The following RNFT2 variants were observed in gnomAD, a reference collection of about 807,000 sequenced individuals.
RNFT2 encodes ring finger protein, transmembrane 2, also known as E3 ubiquitin-protein ligase RNFT2.
A neutral mutation model predicts 53.0 loss-of-function variants in RNFT2; 36 were observed. The observed-to-expected ratio is 0.68, with a 90% CI of 0.52 to 0.90. RNFT2 has a LOEUF of 0.90. Ranked by LOEUF, RNFT2 falls within the 40% of genes least tolerant of loss-of-function variation. The pLI is 0.00. For synonymous variants in RNFT2, 260 were observed against 253.2 expected (o/e 1.03, Z -0.26); for missense variants, 514 against 585.6 (o/e 0.88, Z 1.26).
intron 7 of RNFT2, among the ~76,000 whole-genome samples, chr12:116,813,868 G>A (rs1195051778): frequency 1.3e-5 from 2 of 152,210 alleles, no homozygotes; most frequent in Non-Finnish European, 2.9e-5. Flanking sequence ...GACCTTGGAT[G>A]AGTCAGTAGC....
At chr12:116,743,080 CAAAAAAAAAAA>C (rs10558117) in intron 3 of RNFT2, among the ~76,000 whole-genome samples, 2 of 49,416 alleles carry the variant, frequency 4.0e-5, no homozygotes, top group Non-Finnish European at 6.9e-5. Context: ...GACCCTATCT[CAAAAAAAAAAA>C]AAAAAAAAAA....
Position 116,789,635 on chromosome 12 carries a change from G to GTGGATGGATGGATGGA in RNFT2, c.882+10305_882+10320dup, listed in dbSNP as rs148322297. Among the ~76,000 whole-genome samples the GTGGATGGATGGATGGA allele has an allele frequency of 9.5e-4, 126 of 132,076 alleles. 1 individual carries two copies. Among genetic ancestry groups the GTGGATGGATGGATGGA allele is most frequent in the African/African-American group, 3.1e-3 (92 of 30,062 alleles). The allele number at this position is 132,076 out of a possible 152,430, so 86.6% of individuals were successfully genotyped here. A position where few individuals can be genotyped will look rare whatever the true frequency, so the allele number is the denominator to read the frequency against. On this transcript the variant is annotated intron_variant, in intron 7 of 10. Coordinates refer to ENST00000257575, the MANE Select transcript of RNFT2 (RefSeq NM_001382266.1). ...TGGTAGATGGATGGATGGGAGGAGA[G>GTGGATGGATGGATGGA]TGGATGGATGGATGGATGGATGGAT...
chr12:116,786,973 T>C (rs1873962294), intron 7 of RNFT2, among the ~76,000 whole-genome samples: 1 of 152,150 alleles, frequency 6.6e-6, no homozygotes, highest in Admixed American at 6.5e-5. Context: ...CTCTCTCTTA[T>C]AAGGACACAT....
intron 6 of RNFT2, among the ~76,000 whole-genome samples, chr12:116,778,832 G>A (rs548820189): frequency 3.9e-5 from 6 of 152,218 alleles, no homozygotes; most frequent in African/African-American, 9.6e-5. Context: ...CCTGGGAGAC[G>A]GAGCAAGACT....
chr12:116,833,644 T>C (rs987789480), intron 7 of RNFT2, 148 bp from the exon 8 acceptor site: 22 of 757,602 alleles, frequency 2.9e-5, no homozygotes, highest in Non-Finnish European at 4.7e-5. Flanking sequence ...CGCAGCCCCA[T>C]TAGGAGCTGG....
intron 7 of RNFT2, 129 bp downstream of exon 7, chr12:116,779,477 G>A: frequency 2.0e-6 from 2 of 988,068 alleles, no homozygotes; most frequent in Non-Finnish European, 3.0e-6. Flanking sequence ...AACAGAGCCT[G>A]AGCTCATAGC....
Position 116,835,890 on chromosome 12 carries a change from T to C in RNFT2, c.1033-70T>C. The C allele has an allele frequency of 2.0e-6, 3 of 1,531,310 alleles. No homozygotes were observed. In the Admixed American group the frequency reaches 5.1e-5, roughly 26 times the overall value. 94.9% of individuals were successfully genotyped at this position (1,531,310 alleles called of 1,614,324 possible). On this transcript the variant is annotated intron_variant, in intron 8 of 10. Transcript: ENST00000257575. ...ATGGGTGGAGGGTCAGAGGATGGGG[T>C]GGGGTGATTGTGCAGGGGTCACGAG... is the stretch of plus-strand genomic sequence containing the variant.
intron 7 of RNFT2, chr12:116,782,114 TCAG>T (rs1166235445): frequency 1.4e-4 from 12 of 85,844 alleles, no homozygotes; most frequent in Non-Finnish European, 2.8e-5. Context: ...CATGCCCACT[TCAG>T]CAGCACATAT....
Position 116,749,930 on chromosome 12 carries a change from C to A in RNFT2, c.173C>A (p.Ala58Glu). ...SLKAEAASPP[A>E]LFSGLSGSLP... ...AAGGCAGAGGCAGCCTCCCCACCAG[C>A]GCTCTTCTCGGGCTTATCAGGCAGC... The change falls in exon 4 of 11, where the codon GCG (alanine) becomes GAG (glutamate). Residue 58 changes from alanine to glutamate, a missense_variant. Physicochemically the swap from Ala to Glu is moderately radical, Grantham distance 107. Around this residue, in one of 3 missense-constraint regions of RNFT2, gnomAD observed 237 missense variants for 235.1 expected, o/e 1.01. Coordinates refer to ENST00000257575, the MANE Select transcript of RNFT2 (RefSeq NM_001382266.1). 6.3e-7 allele frequency: 1 copy of A among 1,579,106 alleles called. No individual in the cohort carries two copies. The highest frequency in any genetic ancestry group is 1.2e-5 in the South Asian group (1 of 86,132).
chr12:116,740,860 A>G (rs958054977), intron 2 of RNFT2, 176 bp from the exon 3 acceptor site: 1 of 653,578 alleles, frequency 1.5e-6, no homozygotes, highest in Non-Finnish European at 2.8e-6. Flanking sequence ...ATGGGATAGA[A>G]TGTCACATTG....
chr12:116,785,325 C>T (rs565696165), intron 7 of RNFT2, among the ~76,000 whole-genome samples: 53 of 146,094 alleles, frequency 3.6e-4, no homozygotes, highest in African/African-American at 1.2e-3. Context: ...CAAGGTCTTG[C>T]TCTGCTTCCC....
chr12:116,777,987 G>A (rs983303448), intron 6 of RNFT2, among the ~76,000 whole-genome samples: 1 of 152,194 alleles, frequency 6.6e-6, no homozygotes, highest in East Asian at 1.9e-4. Context: ...CAGTCGTGAG[G>A]ATTAGTGAGA....
intron 3 of RNFT2, among the ~76,000 whole-genome samples, chr12:116,746,794 G>A (rs1871917952): frequency 6.6e-6 from 1 of 152,180 alleles, no homozygotes; most frequent in Non-Finnish European, 1.5e-5. Flanking sequence ...GTTCCTCTGA[G>A]ACCATGGGAA....
intron 7 of RNFT2, among the ~76,000 whole-genome samples, chr12:116,811,006 A>G (rs1006233307): frequency 2.0e-5 from 3 of 152,198 alleles, no homozygotes; most frequent in Non-Finnish European, 4.4e-5. Context: ...AGTCAGGTGG[A>G]TCTGAGCTGG....
chr12:116,821,718 G>A (rs1252944175), intron 7 of RNFT2, among the ~76,000 whole-genome samples: 1 of 151,472 alleles, frequency 6.6e-6, no homozygotes, highest in Admixed American at 6.6e-5. Context: ...TGGAAGGAGG[G>A]CTTTGAAATG....
intron 4 of RNFT2, among the ~76,000 whole-genome samples, chr12:116,752,540 C>T (rs1429460699): frequency 6.6e-6 from 1 of 152,108 alleles, no homozygotes; most frequent in Admixed American, 6.5e-5. Flanking sequence ...ACAGCTTCTA[C>T]AAAGTAGATC....
chr12:116,794,614 G>T (rs1159686126), intron 7 of RNFT2, among the ~76,000 whole-genome samples: 1 of 144,754 alleles, frequency 6.9e-6, no homozygotes, highest in Non-Finnish European at 1.5e-5. Context: ...CAAAAGAAAG[G>T]AAAGAAAGGG....
chr12:116,751,927 T>C (rs10735095), intron 4 of RNFT2, among the ~76,000 whole-genome samples: 139,517 of 152,002 alleles, frequency 0.92, 64,215 homozygotes, highest in Admixed American at 0.95. Context: ...GGATTACAGG[T>C]GTGAGCCACC....
chr12:116,751,836 G>A (rs7953594), intron 4 of RNFT2, among the ~76,000 whole-genome samples: 65,253 of 151,680 alleles, frequency 0.43, 17,074 homozygotes, highest in Admixed American at 0.6. Flanking sequence ...TCAGCTCACT[G>A]CAAACCTCTA....
Sources: allele counts gnomAD v4.1 joint callset (sites outside exome capture counted in the v4.1 genomes callset), GRCh38; gene constraint gnomAD v4.1.1; regional missense constraint gnomAD v4.1.1; transcripts MANE v1.5; gene names NCBI Gene and HGNC (gene_info 2026-07-23, HGNC 2026-07-21).